ZNF335: variants seen among roughly 807,000 people sequenced by gnomAD.
The protein encoded by ZNF335 is zinc finger protein 335.
ZNF335 carries 84 observed loss-of-function variants against 145.6 expected under a neutral mutation model. The observed-to-expected ratio is 0.58, with a 90% CI of 0.48 to 0.69. The LOEUF is 0.69. Among genes scored for constraint, ZNF335 ranks in the 30% least tolerant of loss-of-function variants. The probability of loss-of-function intolerance (pLI) is 0.00; values close to 1 mark genes in which losing one functional copy is unlikely to be tolerated. For synonymous variants in ZNF335, 761 were observed against 717.0 expected (o/e 1.06, Z -0.98); for missense variants, 1,865 against 1,809.7 (o/e 1.03, Z -0.55).
At position 45,969,559 on chromosome 20, in the gene ZNF335, G is replaced by A; in HGVS notation, c.334C>T (p.Leu112Phe). Residue 112 changes from leucine to phenylalanine, a missense_variant, in exon 3 of 28, where the codon CTC becomes TTC. Coordinates refer to ENST00000322927, the MANE Select transcript of ZNF335 (RefSeq NM_022095.4). ...GACACCAGCATGTTGGGGTCTGGGAGTGCACTAGAGTGCACAAGTGCTGGG... is the reference window on the plus strand; with the variant it reads ...GACACCAGCATGTTGGGGTCTGGGAATGCACTAGAGTGCACAAGTGCTGGG... ...GPPALVHSSA[L>F]PDPNMLVSDC... 1 of 1,597,094 alleles carries A rather than the reference G, an allele frequency of 6.3e-7. No homozygotes were observed. The highest frequency in any genetic ancestry group is 8.6e-7 in the Non-Finnish European group (1 of 1,166,406).
At position 45,971,166 on chromosome 20, in the gene ZNF335, T is replaced by A. The variant is rs756636694; in HGVS notation, c.201+44A>T. 9.5e-6 allele frequency: 14 copies of A among 1,475,598 alleles called. No individual in the cohort carries two copies. The South Asian group carries it at 1.9e-4, about 20-fold the overall frequency. 91.4% of individuals were successfully genotyped at this position (1,475,598 alleles called of 1,614,324 possible). ...CCTCTTGGCTGTCAGGCACTGCTGC[T>A]CGCGGTCCTTGCCTCCACCCACGCC... On this transcript the variant is annotated intron_variant, in intron 2 of 27. Transcript: ENST00000322927.
At chr20:45,964,108 G>A (rs1792931156) in intron 7 of ZNF335, 118 bp from the exon 8 acceptor site, 2 of 1,268,352 alleles carry the variant, frequency 1.6e-6, no homozygotes, top group Admixed American at 2.8e-5. Context: ...CCACTGATGG[G>A]TGCATTGAGT....
At chr20:45,965,030 A>AAATAATAATAATAATAATAAT in intron 7 of ZNF335, among the ~76,000 whole-genome samples, 1 of 141,366 alleles carries the variant, frequency 7.1e-6, no homozygotes, top group South Asian at 2.3e-4. Flanking sequence ...CTCTGTCTCA[A>AAATAATAATAATAATAATAAT]AATAATAATA....
At position 45,965,768 on chromosome 20, in the gene ZNF335, C is replaced by T; in HGVS notation, c.962G>A (p.Ser321Asn). ...AGAIDDLEED[S>N]DYNPAEDEPR... is the part of the protein sequence containing the mutation. Reference sequence around the variant, plus strand: ...CTCATCCTCAGCTGGATTATAGTCGCTATCCTCTGTGGGGGACAGTAAAGT... The same window carrying T: ...CTCATCCTCAGCTGGATTATAGTCGTTATCCTCTGTGGGGGACAGTAAAGT... Residue 321 changes from serine to asparagine, a missense_variant, in exon 7 of 28, where the codon AGC (serine) becomes AAC (asparagine). Transcript: ENST00000322927. 6.2e-7 allele frequency: 1 copy of T among 1,603,576 alleles called. No individual in the cohort carries two copies. The highest frequency in any genetic ancestry group is 1.7e-5 in the Admixed American group (1 of 59,272).
At chr20:45,971,813 C>CCGCTGGCCCCCTGGGTCAGTGGTT in intron 1 of ZNF335, 1 of 985,374 alleles carries the variant, frequency 1.0e-6, no homozygotes, top group Non-Finnish European at 1.2e-6. Flanking sequence ...GTGGTACAGC[C>CCGCTGGCCCCCTGGGTCAGTGGTT]CGCTGGCCCC....
At chr20:45,949,453 C>T (rs755263750) in intron 25 of ZNF335, 32 bp downstream of exon 25, 25 of 1,613,786 alleles carry the variant, frequency 1.5e-5, no homozygotes, top group Non-Finnish European at 2.5e-6. Flanking sequence ...AGCCCTTCAC[C>T]ACACAGCACC....
intron 1 of ZNF335, 197 bp from the exon 2 acceptor site, chr20:45,971,657 C>T: frequency 1.0e-5 from 10 of 985,478 alleles, no homozygotes; most frequent in Non-Finnish European, 1.2e-5. Context: ...AGGCTAAGGC[C>T]CTTCCCGGGA....
At chr20:45,962,245 C>T (rs1402630608) in intron 9 of ZNF335, 63 bp from the exon 10 acceptor site, 6 of 1,327,536 alleles carry the variant, frequency 4.5e-6, no homozygotes, top group African/African-American at 1.4e-5. Context: ...CCCGTCCCCA[C>T]CATGCCTGTG....
rs111325202 is a variant in ZNF335 at position 45,950,208 on chromosome 20, G to C, written c.3487+11C>G. Reference sequence around the variant, plus strand: ...CCTGTTGCCCACCCTGTGGCCCCAGGGGCAGCTCACTGTGCAGGGTGGCCA... The same window carrying C: ...CCTGTTGCCCACCCTGTGGCCCCAGCGGCAGCTCACTGTGCAGGGTGGCCA... On this transcript the variant is annotated intron_variant, in intron 22 of 27. Transcript: ENST00000322927. 1 of 1,551,838 alleles carries C rather than the reference G, an allele frequency of 6.4e-7. No individual in the cohort carries two copies. The highest frequency in any genetic ancestry group is 1.4e-5 in the African/African-American group (1 of 73,280).
intron 11 of ZNF335, 27 bp from the exon 12 acceptor site, chr20:45,960,759 T>C (rs1265570659): frequency 9.3e-6 from 15 of 1,612,562 alleles, no homozygotes; most frequent in African/African-American, 1.3e-5. Context: ...AGGGGCCAGA[T>C]GGAGAAAGAA....
rs757813563 is a variant in ZNF335 at position 45,967,903 on chromosome 20, G to C, written c.645C>G (p.Ser215=). The change falls in exon 5 of 28, where the codon TCC becomes TCG. Residue 215 remains serine (S), a synonymous_variant. Coordinates refer to ENST00000322927, the MANE Select transcript of ZNF335 (RefSeq NM_022095.4). The part of the protein sequence containing the change: ...TCLEAQGGPS[S]PVQLPPASGA... ...CGGAGGCTGGGGGCAGCTGCACCGG[G>C]GAGCTGGGCCCACCCTGTGCCTCCA... 52 of 1,612,510 alleles carry C rather than the reference G, an allele frequency of 3.2e-5. No individual in the cohort carries two copies. The highest frequency in any genetic ancestry group is 3.6e-5 in the Non-Finnish European group (42 of 1,179,636).
chr20:45,969,740 G>T, intron 2 of ZNF335, 49 bp from the exon 3 acceptor site: 1 of 1,589,622 alleles, frequency 6.3e-7, no homozygotes. Flanking sequence ...CTGGGTATGG[G>T]GCAGGGCAGC....
In ZNF335 at chr20:45,949,784, G is replaced by A. The variant is rs2083594302; in HGVS notation, c.3669+16C>T. On this transcript the variant is annotated intron_variant, in intron 24 of 27. Coordinates refer to ENST00000322927, the MANE Select transcript of ZNF335 (RefSeq NM_022095.4). Reference sequence around the variant, plus strand: ...GAGGTCACAGCTGAGGGGATTAACAGTAGCTAGTAGCTCACCTGGTTGTCG... The same window carrying A: ...GAGGTCACAGCTGAGGGGATTAACAATAGCTAGTAGCTCACCTGGTTGTCG... 6.2e-7 allele frequency: 1 copy of A among 1,613,966 alleles called. No homozygotes were observed. Among genetic ancestry groups the A allele is most frequent in the Admixed American group, 1.7e-5 (1 of 60,022 alleles).
Position 45,952,144 on chromosome 20 carries a change from T to C in ZNF335, c.3189+3A>G. On this transcript the variant is annotated splice_donor_region_variant and intron_variant, in intron 20 of 27. Transcript: ENST00000322927. Reference sequence around the variant, plus strand: ...CAGAGACACAGGAGCAACCAGCACCTACCCGGACCTCGGGCCACTGGCGGG... The same window carrying C: ...CAGAGACACAGGAGCAACCAGCACCCACCCGGACCTCGGGCCACTGGCGGG... The C allele has an allele frequency of 6.3e-7, 1 of 1,592,430 alleles. No homozygotes were observed. Among genetic ancestry groups the C allele is most frequent in the Non-Finnish European group, 8.6e-7 (1 of 1,167,240 alleles).
intron 2 of ZNF335, chr20:45,970,050 C>A (rs151050370): frequency 3.1e-4 from 60 of 190,886 alleles, no homozygotes; most frequent in African/African-American, 1.3e-3. Flanking sequence ...TTCTCACCAC[C>A]ATTTAGCTGG....
rs753652965 is a variant in ZNF335, at chr20:45,950,461, G to A, written c.3324C>T (p.Cys1108=). 4.3e-6 allele frequency: 7 copies of A among 1,614,084 alleles called. 1 individual carries two copies. Among genetic ancestry groups the A allele is most frequent in the East Asian group, 4.5e-5 (2 of 44,894 alleles). ...TKEKPFACHL[C]GQRFNRNGHL... is the part of the protein sequence containing the mutation. ...CCAGTATCTGGCCTCACCGCTGCCC[G>A]CAGAGGTGGCATGCAAAAGGCTTCT... Residue 1108 remains cysteine (C), a synonymous_variant, in exon 21 of 28, where the codon TGC becomes TGT. Coordinates refer to ENST00000322927, the MANE Select transcript of ZNF335 (RefSeq NM_022095.4).
chr20:45,961,855 A>G, intron 10 of ZNF335: 2 of 494,108 alleles, frequency 4.0e-6, no homozygotes, highest in Non-Finnish European at 7.3e-6. Flanking sequence ...ACAAGAGGTA[A>G]GAGGCTGAGC....
Position 45,963,471 on chromosome 20 carries a change from A to C in ZNF335, c.1533+2T>G. On this transcript the variant is annotated splice_donor_variant, in intron 9 of 27. Coordinates refer to ENST00000322927, the MANE Select transcript of ZNF335 (RefSeq NM_022095.4). LOFTEE classifies it high-confidence loss of function. ...AGCCCCAAGCCTCTTTGGCTCCCGC[A>C]CCTTGAGCGAGGACCAGCGGCGGGA... 1 of 1,610,094 alleles carries C rather than the reference A, an allele frequency of 6.2e-7. No homozygotes were observed. The highest frequency in any genetic ancestry group is 8.5e-7 in the Non-Finnish European group (1 of 1,176,858).
At chr20:45,971,726 C>T in intron 1 of ZNF335, 1 of 985,482 alleles carries the variant, frequency 1.0e-6, no homozygotes, top group Non-Finnish European at 1.2e-6. Flanking sequence ...TCTCGTGGAG[C>T]GTTCCGCTCT....
Sources: gnomAD v4.1 joint callset for allele counts (sites outside exome capture counted in the v4.1 genomes callset) on GRCh38, gnomAD v4.1.1 for gene constraint, MANE v1.5 for transcripts, NCBI Gene and HGNC (gene_info 2026-07-23, HGNC 2026-07-21) for gene names.